Variants in GSN observed in about 807,000 individuals in gnomAD.
The protein encoded by GSN is actin-depolymerizing factor.
GSN carries 56 observed loss-of-function variants against 85.7 expected under a neutral mutation model. The ratio of observed to expected loss-of-function variants is 0.65; its 90% CI spans 0.53 to 0.82. GSN has a LOEUF of 0.82. Ranked by LOEUF, GSN falls within the 40% of genes least tolerant of loss-of-function variation. The pLI, the probability that GSN is intolerant of heterozygous loss-of-function variation, is 0.00. For synonymous variants in GSN, 373 were observed against 399.1 expected (o/e 0.93, Z 0.78); for missense variants, 857 against 979.8 (o/e 0.87, Z 1.67).
At chr9:121,282,808 A>G (rs1197393683) in intron 2 of GSN, 11 of 371,608 alleles carry the variant, frequency 3.0e-5, no homozygotes, top group Non-Finnish European at 5.0e-5. Context: ...AACAAAAAGA[A>G]TGTTATGCTC....
intron 1 of GSN, chr9:121,207,902 G>A (rs542781954): frequency 7.5e-5 from 11 of 147,650 alleles, no homozygotes; most frequent in East Asian, 2.0e-4. Context: ...CTACAGGTAC[G>A]TACCACCACA....
chr9:121,265,734 C>T (rs2055183569), upstream of GSN: 1 of 152,230 alleles, frequency 6.6e-6, no homozygotes, highest in African/African-American at 2.4e-5. Context: ...AGATCCTTAT[C>T]AGCAAGACAT....
At chr9:121,207,648 G>A (rs773723803), upstream of GSN, 4 of 152,168 alleles carry the variant, frequency 2.6e-5, no homozygotes, top group Non-Finnish European at 4.4e-5. Flanking sequence ...ACTGTATTTG[G>A]TGGAGGGAGT....
intron 6 of GSN, among the ~76,000 whole-genome samples, chr9:121,262,544 C>T (rs771762109): frequency 3.9e-5 from 6 of 152,188 alleles, no homozygotes; most frequent in Non-Finnish European, 8.8e-5. Context: ...GAAGAACCTC[C>T]AGGCAGTTTT....
intron 3 of GSN, chr9:121,210,366 AAGT>A (rs778222584): frequency 6.6e-6 from 1 of 152,230 alleles, no homozygotes; most frequent in Non-Finnish European, 1.5e-5. Context: ...TTCTGCTCCA[AAGT>A]AGCACACATC....
chr9:121,318,671 G>T lies in GSN; in HGVS notation c.982G>T (p.Val328Phe). 2.5e-6 allele frequency: 4 copies of T among 1,612,116 alleles called. No individual in the cohort carries two copies. Among genetic ancestry groups the T allele is most frequent in the Non-Finnish European group, 3.4e-6 (4 of 1,178,070 alleles). ...MDYPKQTQVS[V>F]LPEGGETPLF... ...CTCTGCCTCCCCTCCCCAGGTCTCG[G>T]TCCTTCCTGAGGGCGGTGAGACCCC... Residue 328 changes from valine (V) to phenylalanine (F), a missense_variant, in exon 10 of 18, where the codon GTC becomes TTC. Transcript: ENST00000432226. This position sits in a 1 kb window ranked among gnomAD's most constrained non-coding sequence, Gnocchi z 4.3.
intron 3 of GSN, among the ~76,000 whole-genome samples, 187 bp from the exon 4 acceptor site, chr9:121,302,724 T>C (rs1218097395): frequency 6.6e-6 from 1 of 152,156 alleles, no homozygotes; most frequent in Non-Finnish European, 1.5e-5. Flanking sequence ...GGGAGGACGC[T>C]TAGAGAAAAA....
intron 5 of GSN, chr9:121,239,764 G>A: frequency 3.7e-6 from 1 of 267,822 alleles, no homozygotes; most frequent in South Asian, 4.9e-5. Context: ...CTCAGACACT[G>A]ATGTTTGGAG....
At chr9:121,218,090 G>C (rs1294537458) in intron 4 of GSN, among the ~76,000 whole-genome samples, 1 of 152,134 alleles carries the variant, frequency 6.6e-6, no homozygotes, top group Non-Finnish European at 1.5e-5. Context: ...CTATGACTAA[G>C]CATGTTCAGA....
chr9:121,241,709 C>A (rs2066965906), intron 5 of GSN, among the ~76,000 whole-genome samples: 1 of 152,286 alleles, frequency 6.6e-6, no homozygotes, highest in South Asian at 2.1e-4. Flanking sequence ...CAAAAGGAGT[C>A]CATTGCTCTG....
At chr9:121,312,892 G>A (rs1476078748) in intron 6 of GSN, 1 of 164,796 alleles carries the variant, frequency 6.1e-6, no homozygotes. Flanking sequence ...CTCCCAAAAT[G>A]CTGGGATTAC....
chr9:121,286,832 T>A (rs1476781852), intron 2 of GSN: 69 of 1,266,306 alleles, frequency 5.4e-5, no homozygotes, highest in Non-Finnish European at 7.3e-5. Flanking sequence ...AGCCCTGAAT[T>A]CCTAATGGTG....
chr9:121,310,841 G>C lies in GSN; in HGVS notation c.509G>C (p.Gly170Ala), dbSNP rs2061035565. The change falls in exon 5 of 18, where the codon GGC (glycine) becomes GCC (alanine). Residue 170 changes from glycine to alanine, a missense_variant. Transcript: ENST00000432226. ...NNGDCFILDL[G>A]NNIHQWCGSN... Reference sequence around the variant, plus strand: ...GGCGACTGCTTCATCCTGGACCTGGGCAACGTGAGTCCTGCTTTCCTCTTT... The same window carrying C: ...GGCGACTGCTTCATCCTGGACCTGGCCAACGTGAGTCCTGCTTTCCTCTTT... The C allele has an allele frequency of 3.7e-6, 6 of 1,614,026 alleles. No homozygotes were observed. The East Asian group carries it at 1.3e-4, about 36-fold the overall frequency.
At chr9:121,211,637 C>A (rs1046267330) in intron 4 of GSN, among the ~76,000 whole-genome samples, 3 of 152,106 alleles carry the variant, frequency 2.0e-5, no homozygotes, top group Non-Finnish European at 4.4e-5. Context: ...GCGGTGTGAC[C>A]TTGGCTGGGT....
intron 2 of GSN, among the ~76,000 whole-genome samples, chr9:121,291,673 G>A (rs915970411): frequency 1.2e-4 from 19 of 152,166 alleles, no homozygotes; most frequent in East Asian, 5.8e-4. Context: ...ACCTGCCTCC[G>A]TCTCCCAAAG....
intron 4 of GSN, among the ~76,000 whole-genome samples, chr9:121,215,740 T>C (rs143120519): frequency 4.6e-5 from 7 of 151,900 alleles, no homozygotes; most frequent in Non-Finnish European, 1.0e-4. Flanking sequence ...AATTTACTAA[T>C]ATTTATAATG....
At chr9:121,246,460 T>C in intron 5 of GSN, among the ~76,000 whole-genome samples, 1 of 152,180 alleles carries the variant, frequency 6.6e-6, no homozygotes, top group East Asian at 1.9e-4. Flanking sequence ...GCAATTATCA[T>C]GGACACAAAT....
intron 4 of GSN, among the ~76,000 whole-genome samples, chr9:121,225,889 C>G (rs2054263945): frequency 6.6e-6 from 1 of 152,260 alleles, no homozygotes; most frequent in Non-Finnish European, 1.5e-5. Context: ...ACTGCAACCT[C>G]CAACTCCCGG....
rs972462434 is a variant in GSN, at chr9:121,208,491, T to C, written c.-808+594T>C. On this transcript the variant is annotated intron_variant, in intron 1 of 24. Transcript: ENST00000373823. ...CTGGGTAAGTAGTACAGAGGTGATA[T>C]AGCAGCTTGAAGGCAGCAAGATGTA... 2.6e-5 allele frequency among the ~76,000 whole-genome samples: 4 copies of C among 152,226 alleles called. No individual in the cohort carries two copies. In the East Asian group the frequency reaches 7.7e-4, roughly 29 times the overall value.
Sources: gnomAD v4.1 joint callset for allele counts (sites outside exome capture counted in the v4.1 genomes callset) on GRCh38, gnomAD v4.1.1 for gene constraint, Gnocchi (gnomAD v3.1) non-coding constraint, MANE v1.5 for transcripts, NCBI Gene and HGNC (gene_info 2026-07-23, HGNC 2026-07-21) for gene names.